The following SAAL1 variants were observed in gnomAD, a reference collection of about 807,000 sequenced individuals.
SAAL1 encodes serum amyloid A like 1, also known as protein SAAL1.
A neutral mutation model predicts 59.8 loss-of-function variants in SAAL1; 42 were observed. The ratio of observed to expected loss-of-function variants is 0.70; its 90% confidence interval spans 0.55 to 0.91. The LOEUF is 0.91. Among genes scored for constraint, SAAL1 ranks in the 40% least tolerant of loss-of-function variants. The pLI is 0.00. For synonymous variants in SAAL1, 191 were observed against 194.3 expected (o/e 0.98, Z 0.14); for missense variants, 542 against 561.1 (o/e 0.97, Z 0.34).
chr11:18,093,499 A>G (rs1166186143), intron 3 of SAAL1, among the ~76,000 whole-genome samples: 1 of 152,178 alleles, frequency 6.6e-6, no homozygotes, highest in Non-Finnish European at 1.5e-5. Context: ...TATAGGGAAA[A>G]GAAGTTGAAA....
intron 2 of SAAL1, among the ~76,000 whole-genome samples, chr11:18,098,789 C>A (rs571971102): frequency 2.0e-5 from 3 of 152,376 alleles, no homozygotes; most frequent in African/African-American, 7.2e-5. Context: ...GTGGGCAATT[C>A]TTTGCCACAT....
In SAAL1 at chr11:18,086,948, T is replaced by A; in HGVS notation, c.960A>T (p.Lys320Asn). 1 of 1,614,038 alleles carries A rather than the reference T, an allele frequency of 6.2e-7. No homozygotes were observed. The highest frequency in any genetic ancestry group is 8.5e-7 in the Non-Finnish European group (1 of 1,179,922). Residue 320 changes from lysine to asparagine, a missense_variant, in exon 9 of 12, where the codon AAA becomes AAT. Physicochemically the swap from Lys to Asn is moderately conservative, Grantham distance 94. Transcript: ENST00000524803. ...CTGAAAAAACAGAGGCTAGCACTGT[T>A]TTCTGTTCTTGAAGAATGATGGGTG... ...DDPPIILQEQ[K>N]TVLASVFSVL...
At chr11:18,091,454 T>C (rs1292574623) in intron 4 of SAAL1, among the ~76,000 whole-genome samples, 1 of 152,216 alleles carries the variant, frequency 6.6e-6, no homozygotes, top group Non-Finnish European at 1.5e-5. Flanking sequence ...ATAAATACTC[T>C]GAACTAGGAT....
At chr11:18,084,004 T>C (rs1196528523) in intron 9 of SAAL1, among the ~76,000 whole-genome samples, 9 of 152,148 alleles carry the variant, frequency 5.9e-5, no homozygotes, top group Admixed American at 4.6e-4. Flanking sequence ...CAAGGTAACA[T>C]TGAGTTGAGA....
intron 10 of SAAL1, 150 bp downstream of exon 10, chr11:18,083,385 T>C (rs987509025): frequency 7.7e-6 from 4 of 521,280 alleles, no homozygotes; most frequent in African/African-American, 5.7e-5. Flanking sequence ...GCTAGTTGTT[T>C]TTAAGATTAT....
At chr11:18,087,945 G>GGTACTAATGTA (rs1848483367) in intron 7 of SAAL1, among the ~76,000 whole-genome samples, 1 of 152,174 alleles carries the variant, frequency 6.6e-6, no homozygotes, top group African/African-American at 2.4e-5. Flanking sequence ...ACAATAAAGT[G>GGTACTAATGTA]GTACTAATGT....
intron 3 of SAAL1, among the ~76,000 whole-genome samples, chr11:18,096,191 A>C (rs1304578934): frequency 6.6e-6 from 1 of 152,204 alleles, no homozygotes. Context: ...TCGTCTCCAC[A>C]GCTGGTAAAT....
At chr11:18,099,302 G>C (rs1216443408) in intron 2 of SAAL1, among the ~76,000 whole-genome samples, 1 of 152,138 alleles carries the variant, frequency 6.6e-6, no homozygotes, top group East Asian at 1.9e-4. Context: ...AGCACAACAT[G>C]CTACCTCTCA....
intron 2 of SAAL1, among the ~76,000 whole-genome samples, chr11:18,101,411 T>G (rs1397671384): frequency 2.6e-5 from 4 of 152,156 alleles, no homozygotes; most frequent in African/African-American, 9.7e-5. Context: ...GTTCTCATGA[T>G]AATGAGTGAG....
intron 9 of SAAL1, among the ~76,000 whole-genome samples, chr11:18,084,844 C>G (rs967707003): frequency 1.3e-5 from 2 of 152,204 alleles, no homozygotes; most frequent in Non-Finnish European, 2.9e-5. Flanking sequence ...CAGCTCACTG[C>G]AGCCTCTGCC....
intron 9 of SAAL1, among the ~76,000 whole-genome samples, chr11:18,085,078 T>A (rs1432050061): frequency 6.6e-6 from 1 of 152,178 alleles, no homozygotes; most frequent in African/African-American, 2.4e-5. Flanking sequence ...AAAACATATA[T>A]CTTATACCCA....
At chr11:18,103,189 C>G in intron 2 of SAAL1, 44 bp downstream of exon 2, 4 of 1,291,058 alleles carry the variant, frequency 3.1e-6, no homozygotes, top group Non-Finnish European at 4.5e-6. Flanking sequence ...CATTCACCAT[C>G]TCCTCACCCA....
At chr11:18,095,044 C>A (rs1191346687) in intron 3 of SAAL1, among the ~76,000 whole-genome samples, 2 of 152,082 alleles carry the variant, frequency 1.3e-5, no homozygotes, top group Non-Finnish European at 2.9e-5. Flanking sequence ...TGCACCAGAG[C>A]ACCAGCATCA....
chr11:18,089,469 A>G lies in SAAL1; in HGVS notation c.631T>C (p.Phe211Leu). The G allele has an allele frequency of 6.2e-7, 1 of 1,612,636 alleles. No individual in the cohort carries two copies. The highest frequency in any genetic ancestry group is 2.2e-5 in the East Asian group (1 of 44,808). ...VKVGEVVDKL[F>L]DLDEKLMLEW... is the part of the protein sequence containing the mutation. ...AACATTAGTTTCTCATCCAAATCAA[A>G]GAGCTTGTCCACAACCTCCCCCACC... Residue 211 changes from phenylalanine (F) to leucine (L), a missense_variant, in exon 7 of 12, where the codon TTT becomes CTT. Phe to Leu is a conservative substitution (Grantham distance 22). Coordinates refer to ENST00000524803, the MANE Select transcript of SAAL1 (RefSeq NM_138421.3).
Position 18,090,451 on chromosome 11 carries a change from A to C in SAAL1, c.456T>G (p.Thr152=). 1 of 1,610,500 alleles carries C rather than the reference A, an allele frequency of 6.2e-7. No homozygotes were observed. Among genetic ancestry groups the C allele is most frequent in the South Asian group, 1.1e-5 (1 of 89,856 alleles). Residue 152 remains threonine (T), a synonymous_variant, in exon 5 of 12, where the codon ACT becomes ACG. Coordinates refer to ENST00000524803, the MANE Select transcript of SAAL1 (RefSeq NM_138421.3). Reference sequence around the variant, plus strand: ...AAGCATACCTGCTTGTTTCCAGCAGAGTAGGTGGGTCTGAATCATACAAAC... The same window carrying C: ...AAGCATACCTGCTTGTTTCCAGCAGCGTAGGTGGGTCTGAATCATACAAAC... The part of the protein sequence containing the change: ...LHCLYDSDPP[T]LLETSRLLLT...
At chr11:18,099,254 A>C (rs1564872875) in intron 2 of SAAL1, among the ~76,000 whole-genome samples, 1 of 152,186 alleles carries the variant, frequency 6.6e-6, no homozygotes, top group Non-Finnish European at 1.5e-5. Flanking sequence ...AATAGCTGGG[A>C]ATACAGGCAA....
chr11:18,098,162 T>G (rs1392735953), intron 2 of SAAL1, among the ~76,000 whole-genome samples: 1 of 152,100 alleles, frequency 6.6e-6, no homozygotes, highest in African/African-American at 2.4e-5. Context: ...AAAACAAAAT[T>G]CCTTCTTGTC....
chr11:18,105,862 C>A, intron 1 of SAAL1, 45 bp downstream of exon 1: 1 of 1,521,976 alleles, frequency 6.6e-7, no homozygotes, highest in Non-Finnish European at 8.8e-7. Context: ...GCCCCGGTGC[C>A]TGGGGGATGT....
At chr11:18,090,630 G>T in intron 4 of SAAL1, 137 bp from the exon 5 acceptor site, 2 of 931,762 alleles carry the variant, frequency 2.1e-6, no homozygotes, top group Non-Finnish European at 3.1e-6. Flanking sequence ...CAAATCTATA[G>T]TTAATAAATA....
Sources: gnomAD v4.1 joint callset for allele counts (sites outside exome capture counted in the v4.1 genomes callset) on GRCh38, gnomAD v4.1.1 for gene constraint, MANE v1.5 for transcripts, NCBI Gene and HGNC (gene_info 2026-07-23, HGNC 2026-07-21) for gene names.